The following CNTN4 variants were observed in gnomAD, a reference collection of about 807,000 sequenced individuals.
CNTN4 encodes the protein contactin 4.
CNTN4 carries 77 observed loss-of-function variants against 122.5 expected under a neutral mutation model. That is an observed-to-expected ratio of 0.63 (90% CI 0.52 to 0.76). The LOEUF is 0.76. Among genes scored for constraint, CNTN4 ranks in the 30% least tolerant of loss-of-function variants. CNTN4 has a pLI of 0.00. For missense variants in CNTN4, 1,256 were observed against 1,259.1 expected (o/e 1.00, Z 0.04); for synonymous variants, 512 against 447.0 (o/e 1.15, Z -1.83).
At chr3:2,655,417 G>C (rs1042313085) in intron 4 of CNTN4, among the ~76,000 whole-genome samples, 2 of 152,132 alleles carry the variant, frequency 1.3e-5, no homozygotes, top group Non-Finnish European at 2.9e-5. Flanking sequence ...GTCAGAATGA[G>C]ATTGATAGTG....
intron 7 of CNTN4, among the ~76,000 whole-genome samples, chr3:2,863,867 C>G (rs897788366): frequency 6.6e-6 from 1 of 152,074 alleles, no homozygotes; most frequent in African/African-American, 2.4e-5. Context: ...ATCATGTAAC[C>G]CTTTGAGTTT....
At chr3:2,658,295 T>C (rs2083692134) in intron 4 of CNTN4, among the ~76,000 whole-genome samples, 1 of 151,794 alleles carries the variant, frequency 6.6e-6, no homozygotes, top group Admixed American at 6.6e-5. Context: ...TTTCCTTTTT[T>C]CTTCCTTTCA....
At chr3:2,702,393 A>G (rs1015023629) in intron 4 of CNTN4, among the ~76,000 whole-genome samples, 1 of 152,236 alleles carries the variant, frequency 6.6e-6, no homozygotes, top group Non-Finnish European at 1.5e-5. Context: ...TGTAGGCCTG[A>G]GTTAACAAAT....
Position 3,048,516 on chromosome 3 carries a change from C to CTGTG in CNTN4, c.2811+4838_2811+4841dup, listed in dbSNP as rs765657967. ...ACTCTCTCTCTTTCTCTCTCTCTCT[C>CTGTG]TGTGTGTGTGTGTGTGTGTGTGTGT... is the stretch of plus-strand genomic sequence containing the variant. On this transcript the variant is annotated intron_variant, in intron 23 of 24. Coordinates refer to ENST00000418658, the MANE Select transcript of CNTN4 (RefSeq NM_175607.3). Among the ~76,000 whole-genome samples, 188 of 112,924 alleles carry CTGTG rather than the reference C, an allele frequency of 1.7e-3. 2 individuals carry two copies. The East Asian group carries it at 0.037, about 22-fold the overall frequency. The allele number at this position is 112,924 out of a possible 152,430, so 74.1% of individuals were successfully genotyped here. A position where few individuals can be genotyped will look rare whatever the true frequency, so the allele number is the denominator to read the frequency against.
At chr3:2,804,229 A>G (rs1488156956) in intron 6 of CNTN4, among the ~76,000 whole-genome samples, 1 of 152,148 alleles carries the variant, frequency 6.6e-6, no homozygotes, top group East Asian at 1.9e-4. Flanking sequence ...GGGTGTTAGG[A>G]TCACAGGTGT....
intron 4 of CNTN4, among the ~76,000 whole-genome samples, chr3:2,699,788 T>C (rs2086259893): frequency 1.3e-5 from 2 of 152,212 alleles, no homozygotes; most frequent in Admixed American, 6.5e-5. Flanking sequence ...CCTAAAGATA[T>C]TAATGATTAT....
intron 10 of CNTN4, among the ~76,000 whole-genome samples, chr3:2,893,443 G>T (rs993375142): frequency 1.3e-5 from 2 of 152,184 alleles, no homozygotes; most frequent in African/African-American, 4.8e-5. Context: ...GCAATAGTTT[G>T]CTTAATTGTC....
intron 3 of CNTN4, among the ~76,000 whole-genome samples, chr3:2,390,548 C>G (rs555444234): frequency 6.6e-6 from 1 of 151,832 alleles, no homozygotes; most frequent in Non-Finnish European, 1.5e-5. Flanking sequence ...ATATGAATAC[C>G]GAAGACTTGT....
At chr3:2,625,989 A>T (rs746222939) in intron 4 of CNTN4, among the ~76,000 whole-genome samples, 1 of 152,142 alleles carries the variant, frequency 6.6e-6, no homozygotes. Flanking sequence ...CTGTTTGACA[A>T]TTTGTTGAGT....
At chr3:2,112,976 A>G (rs1383621685) in intron 2 of CNTN4, among the ~76,000 whole-genome samples, 1 of 152,194 alleles carries the variant, frequency 6.6e-6, no homozygotes, top group African/African-American at 2.4e-5. Context: ...ATAGTTTCTA[A>G]GTAATTCTTC....
chr3:2,193,734 A>G (rs531133300), intron 2 of CNTN4, among the ~76,000 whole-genome samples: 4 of 152,304 alleles, frequency 2.6e-5, no homozygotes, highest in South Asian at 2.1e-4. Context: ...ATGCATGACT[A>G]TGGCCCCATA....
At chr3:2,934,336 A>G (rs1451463944) in intron 13 of CNTN4, among the ~76,000 whole-genome samples, 3 of 152,246 alleles carry the variant, frequency 2.0e-5, no homozygotes, top group South Asian at 2.1e-4. Flanking sequence ...TGTCTTGTCT[A>G]TAGACACTGG....
intron 6 of CNTN4, among the ~76,000 whole-genome samples, chr3:2,778,003 A>G (rs1276906199): frequency 6.6e-6 from 1 of 151,798 alleles, no homozygotes; most frequent in Non-Finnish European, 1.5e-5. Flanking sequence ...TCATGAGGTC[A>G]GGAGATCGAG....
intron 3 of CNTN4, among the ~76,000 whole-genome samples, chr3:2,568,438 C>T (rs1333098972): frequency 3.3e-5 from 5 of 150,994 alleles, no homozygotes; most frequent in African/African-American, 7.3e-5. Context: ...TTAGGATTTA[C>T]GAGTCTCATT....
chr3:2,866,935 T>A lies in CNTN4; in HGVS notation c.638T>A (p.Ile213Lys), dbSNP rs1386953706. The change falls in exon 8 of 25, where the codon ATA becomes AAA. Residue 213 changes from isoleucine to lysine, a missense_variant. Physicochemically the swap from Ile to Lys is moderately radical, Grantham distance 102 (BLOSUM62 -3). Transcript: ENST00000418658. ...HKVLGPPTPL[I>K]LRNDGVMGEY... is the part of the protein sequence containing the mutation. ...GTCCTGGGGCCACCTACACCACTAA[T>A]ATTGAGAAATGATGGTGAGTTTTCA... 6.2e-7 allele frequency: 1 copy of A among 1,613,850 alleles called. No individual in the cohort carries two copies. Among genetic ancestry groups the A allele is most frequent in the East Asian group, 2.2e-5 (1 of 44,870 alleles).
intron 13 of CNTN4, among the ~76,000 whole-genome samples, chr3:2,963,868 G>A (rs1229723218): frequency 6.6e-6 from 1 of 152,142 alleles, no homozygotes; most frequent in African/African-American, 2.4e-5. Context: ...CTAATTCCCA[G>A]AAGAGTGCAG....
intron 16 of CNTN4, 52 bp downstream of exon 16, chr3:3,031,027 C>G: frequency 6.2e-7 from 1 of 1,610,724 alleles, no homozygotes; most frequent in Non-Finnish European, 8.5e-7. Context: ...ATGATATCTA[C>G]TGTAGCGCAG....
intron 3 of CNTN4, among the ~76,000 whole-genome samples, chr3:2,540,514 T>C (rs1237356940): frequency 7.9e-5 from 12 of 152,108 alleles, no homozygotes; most frequent in Admixed American, 7.9e-4. Flanking sequence ...ACTCCAGTAC[T>C]GGATGCCATA....
chr3:2,391,990 AAT>A (rs1315550236), intron 3 of CNTN4, among the ~76,000 whole-genome samples: 3 of 152,142 alleles, frequency 2.0e-5, no homozygotes, highest in African/African-American at 7.2e-5. Flanking sequence ...CATTTCATTC[AAT>A]ATGTTAGAAT....
Sources: gnomAD v4.1 joint callset for allele counts (sites outside exome capture counted in the v4.1 genomes callset) on GRCh38, gnomAD v4.1.1 for gene constraint, MANE v1.5 for transcripts, NCBI Gene and HGNC (gene_info 2026-07-23, HGNC 2026-07-21) for gene names.